Variants in ST3GAL4 observed in about 807,000 individuals in gnomAD.
ST3GAL4 encodes CMP-N-acetylneuraminate-beta-galactosamide-alpha-2,3-sialyltransferase 4.
Under a neutral mutation model 42.6 loss-of-function variants are expected in ST3GAL4, and 24 were observed. That is an observed-to-expected ratio of 0.56 (90% CI 0.41 to 0.79). ST3GAL4 has a LOEUF of 0.79. Among genes scored for constraint, ST3GAL4 ranks in the 30% least tolerant of loss-of-function variants. The probability of loss-of-function intolerance (pLI) is 0.00; values close to 1 mark genes in which losing one functional copy is unlikely to be tolerated. For synonymous variants in ST3GAL4, 135 were observed against 163.2 expected, an observed-to-expected ratio of 0.83 and a Z score of 1.32; for missense variants, 311 against 430.8, an observed-to-expected ratio of 0.72 and a Z score of 2.46.
intron 5 of ST3GAL4, 87 bp from the exon 6 acceptor site, chr11:126,407,486 CA>C: frequency 1.9e-6 from 3 of 1,580,686 alleles, no homozygotes; most frequent in Non-Finnish European, 2.6e-6. Flanking sequence ...AGAAGGCAGC[CA>C]GCGCTCTGAG....
At chr11:126,402,500 G>A (rs933514087) in intron 1 of ST3GAL4, among the ~76,000 whole-genome samples, 2 of 151,222 alleles carry the variant, frequency 1.3e-5, no homozygotes, top group Admixed American at 1.3e-4. Context: ...GACAGTAAGA[G>A]TAAGTGGTCG....
chr11:126,374,634 A>G (rs1591434183), intron 1 of ST3GAL4, among the ~76,000 whole-genome samples: 1 of 152,032 alleles, frequency 6.6e-6, no homozygotes, highest in South Asian at 2.1e-4. Context: ...GGCAGCCTCC[A>G]TGGAGAGGAG....
chr11:126,409,506 A>G lies in ST3GAL4; in HGVS notation c.771+95A>G. On this transcript the variant is annotated intron_variant, in intron 9 of 10. Transcript: ENST00000444328. The surrounding 1 kb of genome is among the most constrained non-coding windows in gnomAD (Gnocchi z 4.9). ...TTAGGAAGCCCTGGAAGGATCCCAT[A>G]ACAGAGGCGGCGGTTTGCATTTTCC... 6.5e-7 allele frequency: 1 copy of G among 1,541,802 alleles called. No individual in the cohort carries two copies. The highest frequency in any genetic ancestry group is 8.8e-7 in the Non-Finnish European group (1 of 1,130,296).
chr11:126,386,804 G>A lies in ST3GAL4; in HGVS notation c.-60-19292G>A, dbSNP rs1404126513. On this transcript the variant is annotated intron_variant, in intron 1 of 10. Coordinates refer to ENST00000444328, the MANE Select transcript of ST3GAL4 (RefSeq NM_001254757.2). The surrounding 1 kb of genome is among the most constrained non-coding windows in gnomAD (Gnocchi z 4.7). ...CCAGATCTTTGCACTGCGCTGTTTT[G>A]ACTTGGAGAGGAGAGGAGGAAGTTA... is the stretch of plus-strand genomic sequence containing the variant. Among the ~76,000 whole-genome samples, 1 of 152,198 alleles carries A rather than the reference G, an allele frequency of 6.6e-6. No homozygotes were observed. The highest frequency in any genetic ancestry group is 2.4e-5 in the African/African-American group (1 of 41,462).
In ST3GAL4 at chr11:126,406,101, C is replaced by G; in HGVS notation, c.-55C>G. 2.6e-6 allele frequency: 4 copies of G among 1,551,660 alleles called. No homozygotes were observed. The highest frequency in any genetic ancestry group is 1.7e-4 in the Middle Eastern group (1 of 5,984). ...CTGTGGCTCTTATTTCCTAGGTGGC[C>G]CGAGGCAGCCGGGATGACAGCTCTC... On this transcript the variant is annotated 5_prime_UTR_variant, in exon 2 of 11. Coordinates refer to ENST00000444328, the MANE Select transcript of ST3GAL4 (RefSeq NM_001254757.2). This position sits in a 1 kb window ranked among gnomAD's most constrained non-coding sequence, Gnocchi z 5.4.
intron 1 of ST3GAL4, among the ~76,000 whole-genome samples, chr11:126,403,718 C>T (rs189269015): frequency 5.3e-5 from 8 of 152,140 alleles, no homozygotes; most frequent in Non-Finnish European, 7.4e-5. Flanking sequence ...GGCTGCAGTT[C>T]GTAAGGTCCT....
intron 1 of ST3GAL4, among the ~76,000 whole-genome samples, chr11:126,377,764 T>C (rs1487353200): frequency 1.3e-5 from 2 of 152,154 alleles, no homozygotes; most frequent in African/African-American, 4.8e-5. Flanking sequence ...GCGTGAGCCA[T>C]GCGCTCGGCC....
At position 126,396,795 on chromosome 11, in the gene ST3GAL4, G is replaced by A. The variant is rs1953788528; in HGVS notation, c.-60-9301G>A. On this transcript the variant is annotated intron_variant, in intron 1 of 10. Coordinates refer to ENST00000444328, the MANE Select transcript of ST3GAL4 (RefSeq NM_001254757.2). This position sits in a 1 kb window ranked among gnomAD's most constrained non-coding sequence, Gnocchi z 5.8. ...ACTCCTCACGAGCTGTACAACCTGGGCCGGTTACTGACCCCTTTCCCACCT... is the reference window on the plus strand; with the variant it reads ...ACTCCTCACGAGCTGTACAACCTGGACCGGTTACTGACCCCTTTCCCACCT... Among the ~76,000 whole-genome samples the A allele has an allele frequency of 6.6e-6, 1 of 151,434 alleles. No homozygotes were observed. The highest frequency in any genetic ancestry group is 6.6e-5 in the Admixed American group (1 of 15,170).
rs762847423 is a variant in ST3GAL4, at chr11:126,398,993, G to T, written c.-60-7103G>T. Reference sequence around the variant, plus strand: ...CCTTCCCTCAGATTTTGGCACTGCCGGAGCTGTGATCACAGGTCATCTCTG... The same window carrying T: ...CCTTCCCTCAGATTTTGGCACTGCCTGAGCTGTGATCACAGGTCATCTCTG... On this transcript the variant is annotated intron_variant, in intron 1 of 10. Coordinates refer to ENST00000444328, the MANE Select transcript of ST3GAL4 (RefSeq NM_001254757.2). This position sits in a 1 kb window ranked among gnomAD's most constrained non-coding sequence, Gnocchi z 4.7. 6.6e-6 allele frequency among the ~76,000 whole-genome samples: 1 copy of T among 152,118 alleles called. No homozygotes were observed. Among genetic ancestry groups the T allele is most frequent in the African/African-American group, 2.4e-5 (1 of 41,422 alleles).
At chr11:126,357,152 G>C (rs545508527) in intron 1 of ST3GAL4, among the ~76,000 whole-genome samples, 1 of 152,270 alleles carries the variant, frequency 6.6e-6, no homozygotes, top group East Asian at 1.9e-4. Flanking sequence ...TTTGCTTGCT[G>C]AGAGCTGGTC....
intron 1 of ST3GAL4, among the ~76,000 whole-genome samples, chr11:126,382,905 C>T (rs1372913917): frequency 6.6e-6 from 1 of 152,250 alleles, no homozygotes; most frequent in Non-Finnish European, 1.5e-5. Context: ...AAAGTGTGAG[C>T]AGGCTGGCGG....
chr11:126,400,522 G>C lies in ST3GAL4; in HGVS notation c.-60-5574G>C, dbSNP rs528144396. ...TGGGAGGGAAAAGGTGGCTCCCTTA[G>C]TGTGCTTGGGAGGAGGGTAAGAGAT... On this transcript the variant is annotated intron_variant, in intron 1 of 10. Coordinates refer to ENST00000444328, the MANE Select transcript of ST3GAL4 (RefSeq NM_001254757.2). This position sits in a 1 kb window ranked among gnomAD's most constrained non-coding sequence, Gnocchi z 4.6. Among the ~76,000 whole-genome samples, 2 of 152,336 alleles carry C rather than the reference G, an allele frequency of 1.3e-5. No individual in the cohort carries two copies. Among genetic ancestry groups the C allele is most frequent in the Non-Finnish European group, 2.9e-5 (2 of 68,032 alleles).
At chr11:126,399,100 G>A (rs1456432134) in intron 1 of ST3GAL4, among the ~76,000 whole-genome samples, 1 of 152,110 alleles carries the variant, frequency 6.6e-6, no homozygotes, top group East Asian at 1.9e-4. Flanking sequence ...TTATCAAACT[G>A]TGGCTCTGGC....
At position 126,378,745 on chromosome 11, in the gene ST3GAL4, G is replaced by A. The variant is rs1305431200; in HGVS notation, c.-61+22903G>A. On this transcript the variant is annotated intron_variant, in intron 1 of 10. Transcript: ENST00000444328. The surrounding 1 kb of genome is among the most constrained non-coding windows in gnomAD (Gnocchi z 5.3). ...TAAGCAAGACTGTTATGTACATTAT[G>A]TAGTGGATCTATTGAGGCATACGAT... is the stretch of plus-strand genomic sequence containing the variant. Among the ~76,000 whole-genome samples the A allele has an allele frequency of 1.3e-5, 2 of 152,200 alleles. No homozygotes were observed. The highest frequency in any genetic ancestry group is 2.9e-5 in the Non-Finnish European group (2 of 68,034).
intron 4 of ST3GAL4, 102 bp downstream of exon 4, chr11:126,407,125 G>A (rs1288646137): frequency 6.8e-7 from 1 of 1,470,120 alleles, no homozygotes; most frequent in African/African-American, 1.4e-5. Flanking sequence ...CTGTGTTGGT[G>A]GACATGGGTT....
chr11:126,411,293 G>C lies in ST3GAL4; in HGVS notation c.771+1882G>C, dbSNP rs779904560. The stretch of plus-strand genomic sequence containing the variant: ...CCCAAGTAGCTGGGATTACAGGCAT[G>C]TACCACCACACCTGGCTAATTTTTG... On this transcript the variant is annotated intron_variant, in intron 9 of 10. Coordinates refer to ENST00000444328, the MANE Select transcript of ST3GAL4 (RefSeq NM_001254757.2). This position sits in a 1 kb window ranked among gnomAD's most constrained non-coding sequence, Gnocchi z 6.3. 6.6e-6 allele frequency among the ~76,000 whole-genome samples: 1 copy of C among 152,124 alleles called. No individual in the cohort carries two copies. Among genetic ancestry groups the C allele is most frequent in the South Asian group, 2.1e-4 (1 of 4,824 alleles).
chr11:126,379,208 C>T lies in ST3GAL4; in HGVS notation c.-61+23366C>T, dbSNP rs548774706. On this transcript the variant is annotated intron_variant, in intron 1 of 10. Transcript: ENST00000444328. The surrounding 1 kb of genome is among the most constrained non-coding windows in gnomAD (Gnocchi z 4.2). ...TTCTTTCCATTTATCTAGAGGATTA[C>T]GTAGCCACCAATTGCTTTGCTTAGT... Among the ~76,000 whole-genome samples, 8 of 152,266 alleles carry T rather than the reference C, an allele frequency of 5.3e-5. No homozygotes were observed. In the South Asian group the frequency reaches 1.2e-3, roughly 24 times the overall value.
intron 6 of ST3GAL4, 106 bp downstream of exon 6, chr11:126,407,740 G>A (rs1318093607): frequency 8.3e-7 from 1 of 1,198,980 alleles, no homozygotes; most frequent in Non-Finnish European, 1.2e-6. Context: ...GTCATGGACT[G>A]GTACCATCCC....
rs376536125 is a variant in ST3GAL4, at chr11:126,410,575, G to A, written c.771+1164G>A. Among the ~76,000 whole-genome samples the A allele has an allele frequency of 6.6e-6, 1 of 152,158 alleles. No individual in the cohort carries two copies. The highest frequency in any genetic ancestry group is 1.5e-5 in the Non-Finnish European group (1 of 68,032). ...ATGTAAAATACCTATTCTGGAGACC[G>A]GTACACAGGGCCTGCCCTTTAAATA... On this transcript the variant is annotated intron_variant, in intron 9 of 10. Coordinates refer to ENST00000444328, the MANE Select transcript of ST3GAL4 (RefSeq NM_001254757.2). This position sits in a 1 kb window ranked among gnomAD's most constrained non-coding sequence, Gnocchi z 5.3.
Sources: allele counts gnomAD v4.1 joint callset (sites outside exome capture counted in the v4.1 genomes callset), GRCh38; gene constraint gnomAD v4.1.1; non-coding constraint Gnocchi (gnomAD v3.1); transcripts MANE v1.5; gene names NCBI Gene and HGNC (gene_info 2026-07-23, HGNC 2026-07-21).